Variants in GFOD1 observed in about 807,000 individuals in gnomAD.
GFOD1 encodes the protein Gfo/Idh/MocA-like oxidoreductase domain containing 1, also known as glucose-fructose oxidoreductase domain-containing protein 1.
GFOD1 carries 9 observed loss-of-function variants against 25.4 expected under a neutral mutation model. That is an observed-to-expected ratio of 0.35 (90% confidence interval 0.21 to 0.62). The LOEUF is 0.62. GFOD1 is among the 20% of genes least tolerant of loss of function. The probability of loss-of-function intolerance (pLI) is 0.72; values close to 1 mark genes in which losing one functional copy is unlikely to be tolerated. For missense variants in GFOD1, 403 were observed against 556.9 expected, an observed-to-expected ratio of 0.72 and a Z score of 2.78; for synonymous variants, 253 against 245.6, an observed-to-expected ratio of 1.03 and a Z score of -0.28.
intron 1 of GFOD1, among the ~76,000 whole-genome samples, chr6:13,444,902 A>G (rs1283577713): frequency 6.6e-6 from 1 of 152,220 alleles, no homozygotes; most frequent in Non-Finnish European, 1.5e-5. Context: ...ATCGATATAT[A>G]CCATTTTTAT....
In GFOD1 at chr6:13,360,766, G is replaced by T. The variant is rs565873540; in HGVS notation, c.*3977C>A. Reference sequence around the variant, plus strand: ...TGCTGACAGCAGGCTGAGTGGAGCCGCAGGTTAGTCCATGCTTGTCACAGT... The same window carrying T: ...TGCTGACAGCAGGCTGAGTGGAGCCTCAGGTTAGTCCATGCTTGTCACAGT... On this transcript the variant is annotated 3_prime_UTR_variant, in exon 2 of 2. Transcript: ENST00000379287. The T allele has an allele frequency of 2.2e-6, 1 of 456,750 alleles. No individual in the cohort carries two copies. Among genetic ancestry groups the T allele is most frequent in the South Asian group, 1.5e-5 (1 of 64,570 alleles). 28.3% of individuals were successfully genotyped at this position (456,750 alleles called of 1,614,324 possible).
intron 1 of GFOD1, among the ~76,000 whole-genome samples, chr6:13,387,854 A>T (rs1316877144): frequency 6.6e-6 from 1 of 152,222 alleles, no homozygotes; most frequent in Admixed American, 6.5e-5. Flanking sequence ...ACATGATTGT[A>T]TATTTAGAAA....
chr6:13,454,635 C>T (rs1758156812), intron 1 of GFOD1, among the ~76,000 whole-genome samples: 2 of 152,204 alleles, frequency 1.3e-5, no homozygotes, highest in Admixed American at 6.5e-5. Context: ...TGAGCAATGC[C>T]ACCACTCCCG....
At chr6:13,401,201 A>T (rs976603690) in intron 1 of GFOD1, among the ~76,000 whole-genome samples, 1 of 152,248 alleles carries the variant, frequency 6.6e-6, no homozygotes, top group Non-Finnish European at 1.5e-5. Context: ...ACAAAAAGGA[A>T]AAAAGAGGGA....
intron 1 of GFOD1, among the ~76,000 whole-genome samples, chr6:13,438,177 A>G (rs540917996): frequency 6.6e-6 from 1 of 152,350 alleles, no homozygotes; most frequent in Non-Finnish European, 1.5e-5. Flanking sequence ...CTTCCATTCC[A>G]AAGTGAGATT....
chr6:13,393,223 G>A (rs1785650572), intron 1 of GFOD1, among the ~76,000 whole-genome samples: 1 of 151,946 alleles, frequency 6.6e-6, no homozygotes, highest in Non-Finnish European at 1.5e-5. Context: ...GGGCGTGCTA[G>A]TGCATGCCTG....
At chr6:13,420,914 G>A (rs1345892342) in intron 1 of GFOD1, among the ~76,000 whole-genome samples, 1 of 152,182 alleles carries the variant, frequency 6.6e-6, no homozygotes, top group Non-Finnish European at 1.5e-5. Context: ...TAAACAGGAT[G>A]TCATACATCA....
At chr6:13,457,522 T>C (rs1352373714) in intron 1 of GFOD1, among the ~76,000 whole-genome samples, 1 of 152,146 alleles carries the variant, frequency 6.6e-6, no homozygotes, top group Non-Finnish European at 1.5e-5. Flanking sequence ...TCCCGACATG[T>C]CACACACCCA....
intron 1 of GFOD1, among the ~76,000 whole-genome samples, chr6:13,447,599 G>A (rs992728370): frequency 6.6e-6 from 1 of 151,774 alleles, no homozygotes; most frequent in Non-Finnish European, 1.5e-5. Context: ...AAGCTAGCCA[G>A]GCATGGTAGT....
At chr6:13,366,462 A>G (rs1183414527) in intron 1 of GFOD1, among the ~76,000 whole-genome samples, 1 of 152,064 alleles carries the variant, frequency 6.6e-6, no homozygotes, top group Admixed American at 6.6e-5. Flanking sequence ...CAGCCTCCCG[A>G]GTAGTTGAGA....
chr6:13,486,478 G>T (rs1215186907), intron 1 of GFOD1, 160 bp downstream of exon 1: 2 of 663,810 alleles, frequency 3.0e-6, no homozygotes, highest in Admixed American at 2.9e-5. Flanking sequence ...GGACGAGGAA[G>T]GAGGGAGCTC....
At chr6:13,407,930 G>C (rs971522564) in intron 1 of GFOD1, 21 of 983,946 alleles carry the variant, frequency 2.1e-5, no homozygotes, top group Non-Finnish European at 2.3e-5. Context: ...GACTCTCGGA[G>C]ATTGCCCAAC....
rs553848381 is a variant in GFOD1, at chr6:13,358,961, TG to T, written c.*5781del. The T allele has an allele frequency of 1.0e-3, 154 of 152,432 alleles. No individual in the cohort carries two copies. Among genetic ancestry groups the T allele is most frequent in the Middle Eastern group, 6.8e-3 (2 of 294 alleles). 9.4% of individuals were successfully genotyped at this position (152,432 alleles called of 1,614,324 possible). A position where few individuals can be genotyped will look rare whatever the true frequency, so the allele number is the denominator to read the frequency against. ...TGGCCCCCTCAAGGGCTCCAGCAAA[TG>T]GGGACTGTGACGTGGGGGAGAAAAA... On this transcript the variant is annotated 3_prime_UTR_variant, in exon 2 of 2. Coordinates refer to ENST00000379287, the MANE Select transcript of GFOD1 (RefSeq NM_018988.4).
At chr6:13,438,215 C>T (rs529597703) in intron 1 of GFOD1, among the ~76,000 whole-genome samples, 127 of 152,268 alleles carry the variant, frequency 8.3e-4, no homozygotes, top group African/African-American at 3.0e-3. Context: ...ATGAACCCAG[C>T]CCTGAATACC....
chr6:13,446,178 G>A (rs1378299747), intron 1 of GFOD1, among the ~76,000 whole-genome samples: 6 of 152,172 alleles, frequency 3.9e-5, no homozygotes, highest in African/African-American at 1.4e-4. Flanking sequence ...CAAAGCTGCA[G>A]CTCTGGGGAT....
At chr6:13,376,305 G>A (rs1785255553) in intron 1 of GFOD1, among the ~76,000 whole-genome samples, 1 of 152,140 alleles carries the variant, frequency 6.6e-6, no homozygotes. Context: ...GGCCAGGACT[G>A]TGAACTCCAG....
In GFOD1 at chr6:13,370,723, GTGTA is replaced by G. The variant is rs994600063; in HGVS notation, c.254-5065_254-5062del. On this transcript the variant is annotated intron_variant, in intron 1 of 1. Transcript: ENST00000379287. ...TGTATATGTGTTTATGTGTGTGTGT[GTGTA>G]TGTATGTATGTGTGTAGGTGGATTA... Among the ~76,000 whole-genome samples the G allele has an allele frequency of 3.0e-3, 340 of 113,050 alleles. 2 individuals carry two copies. Among genetic ancestry groups the G allele is most frequent in the African/African-American group, 9.8e-3 (302 of 30,928 alleles). The allele number at this position is 113,050 out of a possible 152,430, so 74.2% of individuals were successfully genotyped here.
At chr6:13,419,143 C>T (rs1242898012) in intron 1 of GFOD1, among the ~76,000 whole-genome samples, 2 of 152,206 alleles carry the variant, frequency 1.3e-5, no homozygotes, top group Non-Finnish European at 2.9e-5. Context: ...ACTTCCACTG[C>T]ATTCCCTGTT....
chr6:13,461,962 C>T (rs564142418), intron 1 of GFOD1, among the ~76,000 whole-genome samples: 15 of 152,300 alleles, frequency 9.8e-5, no homozygotes, highest in Non-Finnish European at 2.2e-4. Context: ...GGTCAGGCCT[C>T]AAGTTGAGAG....
Sources: gnomAD v4.1 joint callset for allele counts (sites outside exome capture counted in the v4.1 genomes callset) on GRCh38, gnomAD v4.1.1 for gene constraint, MANE v1.5 for transcripts, NCBI Gene and HGNC (gene_info 2026-07-23, HGNC 2026-07-21) for gene names.